Variants in PGS1 observed in about 807,000 individuals in gnomAD.
PGS1 encodes CDP-diacylglycerol--glycerol-3-phosphate 3-phosphatidyltransferase, mitochondrial.
A neutral mutation model predicts 58.3 loss-of-function variants in PGS1; 44 were observed. That is an observed-to-expected ratio of 0.75 (90% CI 0.59 to 0.97). The LOEUF is 0.97. PGS1 is among the 50% of genes least tolerant of loss of function. The pLI, the probability that PGS1 is intolerant of heterozygous loss-of-function variation, is 0.00. For missense variants in PGS1, 684 were observed against 731.1 expected (o/e 0.94, Z 0.74); for synonymous variants, 330 against 311.0 (o/e 1.06, Z -0.64).
At chr17:78,420,383 T>A in intron 9 of PGS1, 1 of 251,736 alleles carries the variant, frequency 4.0e-6, no homozygotes, top group Non-Finnish European at 6.3e-6. Flanking sequence ...CCATTAAAGG[T>A]GGGGTCTTTG....
intron 1 of PGS1, among the ~76,000 whole-genome samples, chr17:78,385,110 CA>C (rs2082288926): frequency 6.6e-6 from 1 of 152,146 alleles, no homozygotes; most frequent in African/African-American, 2.4e-5. Flanking sequence ...CTGTTTTCCC[CA>C]GGTTTCTTTC....
chr17:78,402,222 A>G (rs1013920892), intron 6 of PGS1, among the ~76,000 whole-genome samples: 5 of 152,146 alleles, frequency 3.3e-5, no homozygotes, highest in African/African-American at 1.2e-4. Context: ...TCCTGCCCCC[A>G]GCTCAGACCA....
chr17:78,408,108 A>G (rs1301670399), intron 7 of PGS1, among the ~76,000 whole-genome samples: 1 of 151,672 alleles, frequency 6.6e-6, no homozygotes, highest in Admixed American at 6.6e-5. Flanking sequence ...TTATCTATCA[A>G]TCAGTCAATC....
At chr17:78,409,931 T>G (rs1161247008) in intron 7 of PGS1, among the ~76,000 whole-genome samples, 1 of 151,990 alleles carries the variant, frequency 6.6e-6, no homozygotes, top group Non-Finnish European at 1.5e-5. Context: ...GCCAACATAG[T>G]GAAACTGTGT....
intron 7 of PGS1, among the ~76,000 whole-genome samples, chr17:78,406,559 C>T (rs1321869524): frequency 1.3e-5 from 2 of 152,262 alleles, no homozygotes; most frequent in Admixed American, 6.5e-5. Context: ...TGGGAAGTGA[C>T]TGCCACACTG....
At chr17:78,380,615 G>A (rs1200806036) in intron 1 of PGS1, among the ~76,000 whole-genome samples, 2 of 152,108 alleles carry the variant, frequency 1.3e-5, no homozygotes, top group African/African-American at 2.4e-5. Flanking sequence ...TGACTTCTAC[G>A]TCCTGGCATC....
chr17:78,408,377 C>CT (rs2084337024), intron 7 of PGS1, among the ~76,000 whole-genome samples: 1 of 152,194 alleles, frequency 6.6e-6, no homozygotes, highest in Non-Finnish European at 1.5e-5. Context: ...GTGGCCACAG[C>CT]TGAGGGGCCT....
intron 2 of PGS1, 54 bp from the exon 3 acceptor site, chr17:78,396,254 T>G (rs895565794): frequency 1.5e-6 from 2 of 1,363,710 alleles, no homozygotes; most frequent in South Asian, 1.2e-5. Flanking sequence ...TTCTGTTTTC[T>G]TAGTGAACCA....
At chr17:78,390,067 C>CCCCCCCCCCCCCCCCCCGCCCCCCT (rs1883308583) in intron 1 of PGS1, among the ~76,000 whole-genome samples, 2 of 143,508 alleles carry the variant, frequency 1.4e-5, no homozygotes, top group African/African-American at 2.6e-5. Context: ...CCTGTTCCCC[C>CCCCCCCCCCCCCCCCCCGCCCCCCT]GCCCCCGACC....
chr17:78,411,276 C>T (rs2084666019), intron 7 of PGS1, among the ~76,000 whole-genome samples: 1 of 152,150 alleles, frequency 6.6e-6, no homozygotes, highest in Non-Finnish European at 1.5e-5. Context: ...TTGGAAAGGG[C>T]CCAGAAGCCA....
At chr17:78,390,062 T>TCCCCCGCCCCCGCCCCCCCC (rs60682804) in intron 1 of PGS1, among the ~76,000 whole-genome samples, 3 of 128,600 alleles carry the variant, frequency 2.3e-5, no homozygotes, top group Non-Finnish European at 5.0e-5. Context: ...TGTTGCCTGT[T>TCCCCCGCCCCCGCCCCCCCC]CCCCCGCCCC....
At chr17:78,415,949 G>A (rs73380011) in intron 8 of PGS1, among the ~76,000 whole-genome samples, 17,401 of 152,236 alleles carry the variant, frequency 0.11, 1,202 homozygotes, top group African/African-American at 0.19. Flanking sequence ...CAGAGGCATC[G>A]GACGGTAACT....
At chr17:78,387,122 G>C (rs1213198279) in intron 1 of PGS1, among the ~76,000 whole-genome samples, 1 of 152,198 alleles carries the variant, frequency 6.6e-6, no homozygotes, top group Non-Finnish European at 1.5e-5. Flanking sequence ...TCCTGACTCA[G>C]CCTCCCGAGT....
chr17:78,422,394 A>G (rs1421873759), intron 9 of PGS1, among the ~76,000 whole-genome samples: 1 of 140,970 alleles, frequency 7.1e-6, no homozygotes, highest in African/African-American at 2.6e-5. Context: ...TGGACTTTCT[A>G]GATGCTTCTT....
In PGS1 at chr17:78,392,573, C is replaced by T; in HGVS notation, c.241C>T (p.Gln81Ter). Reference sequence around the variant, plus strand: ...GTGTCCAGAAGGCGTGCACCGGTTCCAGTGGATCAGAAACCTGGTTCCAGA... The same window carrying T: ...GTGTCCAGAAGGCGTGCACCGGTTCTAGTGGATCAGAAACCTGGTTCCAGA... ...CLCPEGVHRF[Q>*]WIRNLVPEFG... is the part of the protein sequence containing the mutation. The change falls in exon 2 of 10, where the codon CAG becomes TAG. Residue 81 changes from glutamine to a stop codon, truncating the protein, a stop_gained. Transcript: ENST00000262764. LOFTEE classifies it high-confidence loss of function. The T allele has an allele frequency of 2.5e-6, 4 of 1,614,150 alleles. No homozygotes were observed. Among genetic ancestry groups the T allele is most frequent in the Non-Finnish European group, 3.4e-6 (4 of 1,179,986 alleles).
chr17:78,423,902 C>G (rs769803281), intron 9 of PGS1, 159 bp from the exon 10 acceptor site: 4 of 1,613,702 alleles, frequency 2.5e-6, no homozygotes, highest in Non-Finnish European at 3.4e-6. Context: ...GAGGCAGGAG[C>G]GAGCTAAACC....
chr17:78,384,669 T>TA (rs2082256826), intron 1 of PGS1, among the ~76,000 whole-genome samples: 1 of 152,154 alleles, frequency 6.6e-6, no homozygotes, highest in South Asian at 2.1e-4. Flanking sequence ...CTGTGTTTGG[T>TA]ATGGAGAGCG....
intron 9 of PGS1, among the ~76,000 whole-genome samples, chr17:78,422,948 TAGCTGCGTG>T (rs1341269072): frequency 2.0e-5 from 3 of 151,934 alleles, no homozygotes; most frequent in Non-Finnish European, 4.4e-5. Context: ...ATAAAAAAAT[TAGCTGCGTG>T]TGGTGGTGGG....
chr17:78,398,866 T>C (rs2083441575), intron 4 of PGS1, among the ~76,000 whole-genome samples: 1 of 152,126 alleles, frequency 6.6e-6, no homozygotes, highest in African/African-American at 2.4e-5. Flanking sequence ...ACCTTGTCTT[T>C]TGGAAGAGTC....
Sources: allele counts gnomAD v4.1 joint callset (sites outside exome capture counted in the v4.1 genomes callset), GRCh38; gene constraint gnomAD v4.1.1; transcripts MANE v1.5; gene names NCBI Gene and HGNC (gene_info 2026-07-23, HGNC 2026-07-21).